NUP160: variants seen among roughly 807,000 people sequenced by gnomAD.
The protein encoded by NUP160 is nuclear pore complex protein Nup160.
NUP160 carries 94 observed loss-of-function variants against 196.9 expected under a neutral mutation model. That is an observed-to-expected ratio of 0.48 (90% CI 0.40 to 0.57). NUP160 has a LOEUF of 0.57. NUP160 is among the 20% of genes least tolerant of loss of function. The probability of loss-of-function intolerance (pLI) is 0.00; values close to 1 mark genes in which losing one functional copy is unlikely to be tolerated. For synonymous variants in NUP160, 605 were observed against 619.7 expected (o/e 0.98, Z 0.35); for missense variants, 1,638 against 1,748.3 (o/e 0.94, Z 1.13).
chr11:47,813,176 T>G (rs2097682142), intron 14 of NUP160, 129 bp from the exon 15 acceptor site: 1 of 960,222 alleles, frequency 1.0e-6, no homozygotes, highest in Non-Finnish European at 1.6e-6. Flanking sequence ...TTTGGTCTCT[T>G]AAGTGTTCAT....
At chr11:47,806,522 A>T in intron 19 of NUP160, 1 of 486,820 alleles carries the variant, frequency 2.1e-6, no homozygotes, top group Non-Finnish European at 3.7e-6. Flanking sequence ...CACCATTCAC[A>T]TCAAAGTTAT....
Position 47,812,866 on chromosome 11 carries a change from C to T in NUP160, c.1952+16G>A. On this transcript the variant is annotated intron_variant, in intron 15 of 35. Coordinates refer to ENST00000378460, the Ensembl canonical transcript of NUP160. ...AATTTCCATTAGGAAATGCACTTTA[C>T]CCTAATTCTCCTTACACATCAATAG... 6.3e-7 allele frequency: 1 copy of T among 1,592,172 alleles called. No individual in the cohort carries two copies. The highest frequency in any genetic ancestry group is 8.5e-7 in the Non-Finnish European group (1 of 1,171,944).
intron 35 of NUP160, among the ~76,000 whole-genome samples, chr11:47,779,856 T>C (rs988299124): frequency 3.9e-5 from 6 of 152,076 alleles, no homozygotes; most frequent in African/African-American, 1.4e-4. Flanking sequence ...GCCTCCCGAG[T>C]AGCTGGGATT....
At position 47,788,143 on chromosome 11, in the gene NUP160, G is replaced by A. The variant is rs1248141475; in HGVS notation, c.3746+39C>T. ...CACTGAGCAAGAGGATAATATATTT[G>A]CATTAGAAAAGACTATAAAAAAATA... On this transcript the variant is annotated intron_variant, in intron 31 of 35. Coordinates refer to ENST00000378460, the Ensembl canonical transcript of NUP160. 1.9e-6 allele frequency: 3 copies of A among 1,541,596 alleles called. No individual in the cohort carries two copies. In the East Asian group the frequency reaches 6.7e-5, roughly 35 times the overall value.
chr11:47,813,022 T>C (rs1333272623), exon 15 of NUP160: 1 of 1,610,680 alleles, frequency 6.2e-7, no homozygotes, highest in South Asian at 1.1e-5. Flanking sequence ...TTATAAGACA[T>C]ATGACATCCC....
At chr11:47,841,575 G>A (rs1195780942) in intron 2 of NUP160, 2 of 427,058 alleles carry the variant, frequency 4.7e-6, no homozygotes, top group South Asian at 2.2e-5. Flanking sequence ...ATGGATCTAC[G>A]AGTTTGCCAC....
exon 18 of NUP160, chr11:47,808,480 T>G: frequency 6.2e-7 from 1 of 1,613,966 alleles, no homozygotes; most frequent in South Asian, 1.1e-5. Flanking sequence ...AGCTGTTCGA[T>G]GTAGTAGGTC....
At chr11:47,782,847 C>T (rs1361282134) in intron 34 of NUP160, among the ~76,000 whole-genome samples, 2 of 152,110 alleles carry the variant, frequency 1.3e-5, no homozygotes, top group East Asian at 1.9e-4. Context: ...TTAGTAGAGA[C>T]GGGGCTTTGC....
At chr11:47,797,990 A>C in exon 26 of NUP160, 1 of 1,577,224 alleles carries the variant, frequency 6.3e-7, no homozygotes, top group Non-Finnish European at 8.7e-7. Flanking sequence ...CATTATGCAG[A>C]TTCACATAGG....
chr11:47,806,787 CTA>C (rs1432232426), intron 19 of NUP160, among the ~76,000 whole-genome samples: 2,085 of 74,084 alleles, frequency 0.028, 17 homozygotes, highest in Admixed American at 0.06. Context: ...GGGAAAGCAG[CTA>C]TACACACACA....
chr11:47,840,640 G>A, intron 2 of NUP160, 52 bp from the exon 3 acceptor site: 1 of 1,378,606 alleles, frequency 7.3e-7, no homozygotes, highest in Non-Finnish European at 1.0e-6. Flanking sequence ...CTCACTGACT[G>A]TTCTACTGAA....
In NUP160 at chr11:47,808,740, C is replaced by T. The variant is rs11039407; in HGVS notation, c.2242-211G>A. ...TAATCAAAAACAGCTCACCAAGTAACGGAAGCTCATGATGAAAAGAAACCA... is the reference window on the plus strand; with the variant it reads ...TAATCAAAAACAGCTCACCAAGTAATGGAAGCTCATGATGAAAAGAAACCA... On this transcript the variant is annotated intron_variant, in intron 17 of 35. Coordinates refer to ENST00000378460, the Ensembl canonical transcript of NUP160. Among the ~76,000 whole-genome samples the T allele has an allele frequency of 0.01, 1,523 of 152,208 alleles. 195 individuals are homozygous for T. The East Asian group carries it at 0.24, about 24-fold the overall frequency.
intron 28 of NUP160, chr11:47,792,306 T>C (rs887970915): frequency 5.7e-5 from 16 of 279,036 alleles, no homozygotes; most frequent in East Asian, 2.4e-4. Context: ...ATCAGTATGA[T>C]AGGAAAAACT....
intron 35 of NUP160, 136 bp from the exon 36 acceptor site, chr11:47,779,330 T>C: frequency 3.3e-6 from 2 of 605,958 alleles, no homozygotes; most frequent in South Asian, 4.0e-5. Context: ...AAAATCACCA[T>C]TTGTTATAGG....
At chr11:47,842,156 T>C (rs1487222359) in intron 2 of NUP160, among the ~76,000 whole-genome samples, 1 of 152,016 alleles carries the variant, frequency 6.6e-6, no homozygotes, top group Non-Finnish European at 1.5e-5. Flanking sequence ...CCTCTCCCAG[T>C]TTTCCTCCCA....
intron 11 of NUP160, among the ~76,000 whole-genome samples, chr11:47,816,546 G>A (rs1282706517): frequency 3.9e-5 from 6 of 152,090 alleles, no homozygotes; most frequent in Non-Finnish European, 7.4e-5. Context: ...AGGCTGAGGC[G>A]GGTGGATCAT....
At chr11:47,780,370 C>T in exon 35 of NUP160, 1 of 1,613,448 alleles carries the variant, frequency 6.2e-7, no homozygotes, top group South Asian at 1.1e-5. Flanking sequence ...TGGCACTGTT[C>T]TCTCCCAGAG....
chr11:47,803,290 T>C, intron 22 of NUP160, 148 bp downstream of exon 22: 1 of 582,102 alleles, frequency 1.7e-6, no homozygotes, highest in South Asian at 2.4e-5. Context: ...ATGTATATAA[T>C]GCCTTTGACT....
At position 47,782,298 on chromosome 11, in the gene NUP160, AAAAAAATATATATATATATATATATATAT is replaced by A. The variant is rs1269367999; in HGVS notation, c.4116+746_4116+774del. Among the ~76,000 whole-genome samples, 64 of 53,300 alleles carry A rather than the reference AAAAAAATATATATATATATATATATATAT, an allele frequency of 1.2e-3. 7 individuals carry two copies. Among genetic ancestry groups the A allele is most frequent in the Middle Eastern group, 6.9e-3 (1 of 144 alleles). 35.0% of individuals were successfully genotyped at this position (53,300 alleles called of 152,430 possible). ...CAGAGCAAAACTCAGTTAAAAAAAA[AAAAAAATATATATATATATATATATATAT>A]ATATATATATATATATATATATATA... On this transcript the variant is annotated intron_variant, in intron 34 of 35. Coordinates refer to ENST00000378460, the Ensembl canonical transcript of NUP160.
Sources: gnomAD v4.1 joint callset for allele counts (sites outside exome capture counted in the v4.1 genomes callset) on GRCh38, gnomAD v4.1.1 for gene constraint, MANE v1.5 for transcripts, NCBI Gene and HGNC (gene_info 2026-07-23, HGNC 2026-07-21) for gene names.